The following RBM41 variants were observed in gnomAD, a reference collection of about 807,000 sequenced individuals.
RBM41 encodes RNA-binding protein 41.
A neutral mutation model predicts 30.8 loss-of-function variants in RBM41; 14 were observed. That is an observed-to-expected ratio of 0.45 (90% CI 0.30 to 0.71). RBM41 has a LOEUF of 0.71. RBM41 is among the 30% of genes least tolerant of loss of function. The pLI is 0.08. For synonymous variants in RBM41, 120 were observed against 110.1 expected (o/e 1.09, Z -0.56); for missense variants, 276 against 326.3 (o/e 0.85, Z 1.19).
intron 5 of RBM41, among the ~76,000 whole-genome samples, chrX:107,109,198 AAGAT>A (rs779997167): frequency 9.9e-5 from 11 of 111,327 alleles, no homozygotes; most frequent in Admixed American, 2.9e-4. Context: ...AGGAACAAAA[AAGAT>A]AGAAGAGAAA....
chrX:107,088,531 C>T lies in RBM41; in HGVS notation c.904G>A (p.Val302Ile), dbSNP rs755627608. Residue 302 changes from valine (V) to isoleucine (I), a missense_variant, in exon 6 of 8, where the codon GTC (valine) becomes ATC (isoleucine). Coordinates refer to ENST00000685964, the MANE Select transcript of RBM41 (RefSeq NM_001324242.2). ...PKKLTQPIEF[V>I]PEDEIQRNRL... ...TTTCTCTGGATTTCATCTTCTGGGA[C>T]AAATTCTATTGGCTGCGTCAGCTTC... The T allele has an allele frequency of 4.1e-6, 5 of 1,209,546 alleles. No individual in the cohort carries two copies. Among genetic ancestry groups the T allele is most frequent in the Non-Finnish European group, 4.5e-6 (4 of 895,094 alleles).
At chrX:107,099,682 C>T (rs1443054862) in intron 5 of RBM41, among the ~76,000 whole-genome samples, 2 of 95,182 alleles carry the variant, frequency 2.1e-5, no homozygotes, top group Admixed American at 2.4e-4. Context: ...AAATGACATC[C>T]TGAAAGGTAC....
intron 5 of RBM41, among the ~76,000 whole-genome samples, chrX:107,108,024 A>T (rs904876877): frequency 9.0e-6 from 1 of 111,674 alleles, no homozygotes; most frequent in African/African-American, 3.2e-5. Context: ...TTGTCTCGAG[A>T]TATAGTAAAA....
chrX:107,052,498 C>T, the RBM41 span, among the ~76,000 whole-genome samples: 1 of 110,821 alleles, frequency 9.0e-6, no homozygotes, highest in Non-Finnish European at 1.9e-5. Flanking sequence ...GGTTGACTGA[C>T]GACCGCTCTA....
Position 107,066,720 on chromosome X carries a change from G to C in RBM41, c.*807C>G. On this transcript the variant is annotated 3_prime_UTR_variant, in exon 8 of 8. Coordinates refer to ENST00000685964, the MANE Select transcript of RBM41 (RefSeq NM_001324242.2). ...AGCAACCATAAACAAACAACTGGGGGATTTGTGACTGGCATCCTCTTTTCT... is the reference window on the plus strand; with the variant it reads ...AGCAACCATAAACAAACAACTGGGGCATTTGTGACTGGCATCCTCTTTTCT... 1.3e-6 allele frequency: 1 copy of C among 752,863 alleles called. No individual in the cohort carries two copies. Among genetic ancestry groups the C allele is most frequent in the Non-Finnish European group, 1.6e-6 (1 of 638,242 alleles). 62.0% of individuals were successfully genotyped at this position (752,863 alleles called of 1,213,427 possible). A position where few individuals can be genotyped will look rare whatever the true frequency, so the allele number is the denominator to read the frequency against.
chrX:107,073,506 G>C (rs1017714773), intron 6 of RBM41, among the ~76,000 whole-genome samples: 1 of 112,047 alleles, frequency 8.9e-6, no homozygotes, highest in African/African-American at 3.2e-5. Context: ...TGGTGAGGAT[G>C]TGGAGAAAAG....
At chrX:107,106,502 A>G (rs1223569523) in intron 5 of RBM41, among the ~76,000 whole-genome samples, 1 of 111,803 alleles carries the variant, frequency 8.9e-6, no homozygotes, top group African/African-American at 3.3e-5. Flanking sequence ...CATTTGACCC[A>G]GCAATCCCAT....
In RBM41 at chrX:107,066,672, T is replaced by C. The variant is rs1935851006; in HGVS notation, c.*855A>G. The C allele has an allele frequency of 1.1e-5, 8 of 742,239 alleles. No individual in the cohort carries two copies. Among genetic ancestry groups the C allele is most frequent in the Non-Finnish European group, 1.3e-5 (8 of 628,679 alleles). 61.2% of individuals were successfully genotyped at this position (742,239 alleles called of 1,213,427 possible). A position where few individuals can be genotyped will look rare whatever the true frequency, so the allele number is the denominator to read the frequency against. ...ACTCCAGTTTGTACTACTTCCTCTCTGTATATTGTTTTTTTATTTTCCAGC... is the reference window on the plus strand; with the variant it reads ...ACTCCAGTTTGTACTACTTCCTCTCCGTATATTGTTTTTTTATTTTCCAGC... On this transcript the variant is annotated 3_prime_UTR_variant, in exon 8 of 8. Transcript: ENST00000685964.
chrX:107,101,540 A>G (rs1923465480), intron 5 of RBM41, among the ~76,000 whole-genome samples: 1 of 111,923 alleles, frequency 8.9e-6, no homozygotes. Flanking sequence ...CCAGAATGCC[A>G]TGTGATGGCA....
intron 6 of RBM41, among the ~76,000 whole-genome samples, chrX:107,075,463 G>A (rs1936195702): frequency 9.0e-6 from 1 of 111,660 alleles, no homozygotes; most frequent in African/African-American, 3.3e-5. Flanking sequence ...AGAGTGAAAA[G>A]GCAACCTATG....
intron 6 of RBM41, among the ~76,000 whole-genome samples, chrX:107,076,729 T>TA (rs1380417737): frequency 1.8e-5 from 2 of 111,267 alleles, no homozygotes; most frequent in Non-Finnish European, 3.8e-5. Flanking sequence ...AAACACAATT[T>TA]AAAAAAATGG....
downstream of RBM41, among the ~76,000 whole-genome samples, chrX:107,056,968 T>C (rs1382988571): frequency 9.2e-6 from 1 of 108,810 alleles, no homozygotes; most frequent in Non-Finnish European, 1.9e-5. Context: ...GCAGCGATCA[T>C]GTGATTCTCC....
chrX:107,101,160 T>C (rs1169852575), intron 5 of RBM41, among the ~76,000 whole-genome samples: 1 of 111,512 alleles, frequency 9.0e-6, no homozygotes, highest in African/African-American at 3.3e-5. Flanking sequence ...AGTAGTTATA[T>C]CTAGTGGGAA....
chrX:107,079,583 C>T (rs925320321), intron 6 of RBM41, among the ~76,000 whole-genome samples: 1 of 112,003 alleles, frequency 8.9e-6, no homozygotes, highest in Admixed American at 9.5e-5. Context: ...TACAGTTAGA[C>T]TCTCTTCTCA....
At position 107,113,510 on chromosome X, in the gene RBM41, G is replaced by A. The variant is rs1198771600; in HGVS notation, c.524-42C>T. The A allele has an allele frequency of 3.1e-6, 3 of 978,326 alleles. No individual in the cohort carries two copies. The East Asian group carries it at 2.3e-4, about 74-fold the overall frequency. 80.6% of individuals were successfully genotyped at this position (978,326 alleles called of 1,213,427 possible). ...CAAGGAGTTTCAAAGATAGGAAACA[G>A]AACAGATTCATAAACCACCCACCCT... On this transcript the variant is annotated intron_variant, in intron 4 of 7. Transcript: ENST00000685964.
At chrX:107,055,288 A>G in the RBM41 span, among the ~76,000 whole-genome samples, 2 of 112,189 alleles carry the variant, frequency 1.8e-5, no homozygotes, top group Admixed American at 1.9e-4. Flanking sequence ...TCTATTGTGA[A>G]TAGTGTTACA....
At chrX:107,054,996 G>A in the RBM41 span, among the ~76,000 whole-genome samples, 1 of 112,152 alleles carries the variant, frequency 8.9e-6, no homozygotes, top group Non-Finnish European at 1.9e-5. Context: ...CCATTAAGCA[G>A]TAACTCCCCA....
intron 6 of RBM41, among the ~76,000 whole-genome samples, chrX:107,085,769 T>C (rs1447783846): frequency 1.8e-5 from 2 of 112,029 alleles, no homozygotes; most frequent in Non-Finnish European, 3.8e-5. Context: ...TATTGTGTTG[T>C]TTGTATTTTT....
At chrX:107,091,895 T>C (rs1348408997) in intron 5 of RBM41, among the ~76,000 whole-genome samples, 1 of 111,913 alleles carries the variant, frequency 8.9e-6, no homozygotes, top group African/African-American at 3.2e-5. Context: ...GGATGTACCA[T>C]AGTTTATTTA....
Sources: gnomAD v4.1 joint callset for allele counts (sites outside exome capture counted in the v4.1 genomes callset) on GRCh38, gnomAD v4.1.1 for gene constraint, MANE v1.5 for transcripts, NCBI Gene and HGNC (gene_info 2026-07-23, HGNC 2026-07-21) for gene names.